The following AXL variants were observed in gnomAD, a reference collection of about 807,000 sequenced individuals.
AXL encodes the protein tyrosine-protein kinase receptor UFO.
A neutral mutation model predicts 104.5 loss-of-function variants in AXL; 52 were observed. The observed-to-expected ratio is 0.50, with a 90% CI of 0.40 to 0.63. AXL has a LOEUF of 0.63. AXL is among the 20% of genes least tolerant of loss of function. AXL has a pLI of 0.00. For synonymous variants in AXL, 455 were observed against 473.7 expected (o/e 0.96, Z 0.51); for missense variants, 1,024 against 1,188.5 (o/e 0.86, Z 2.04).
At position 41,259,502 on chromosome 19, in the gene AXL, A is replaced by C. The variant is rs4591267; in HGVS notation, c.2334-51A>C. The C allele has an allele frequency of 0.15, 215,313 of 1,475,912 alleles. 16,553 individuals carry two copies. Among genetic ancestry groups the C allele is most frequent in the East Asian group, 0.23 (10,232 of 43,770 alleles). The allele number at this position is 1,475,912 out of a possible 1,614,324, so 91.4% of individuals were successfully genotyped here. On this transcript the variant is annotated intron_variant, in intron 19 of 19. Coordinates refer to ENST00000301178, the MANE Select transcript of AXL (RefSeq NM_021913.5). ...AAATGTCCCCAGGCTTCCAGAATGC[A>C]CCCCTTCTGAGTCCCTGCTCAATCT...
chr19:41,222,140 G>T, intron 4 of AXL, 84 bp downstream of exon 4: 2 of 1,352,390 alleles, frequency 1.5e-6, no homozygotes, highest in Admixed American at 3.0e-5. Flanking sequence ...CTACCTCTGC[G>T]TGAGTGTCTG....
chr19:41,235,397 G>A (rs68003465), intron 6 of AXL, among the ~76,000 whole-genome samples: 18 of 72,698 alleles, frequency 2.5e-4, no homozygotes, highest in East Asian at 8.6e-4. Context: ...TAGATAGATA[G>A]ATAGATAGAT....
rs544588664 is a variant in AXL at position 41,247,268 on chromosome 19, C to T, written c.1538-1246C>T. On this transcript the variant is annotated intron_variant, in intron 12 of 19. Coordinates refer to ENST00000301178, the MANE Select transcript of AXL (RefSeq NM_021913.5). ...GTGGCTCACGCTTGTAATCCCAACA[C>T]TTTGGGAGGCCAAGGTGGGCAGATC... Among the ~76,000 whole-genome samples, 151 of 152,314 alleles carry T rather than the reference C, an allele frequency of 9.9e-4. 1 individual carries two copies. Among genetic ancestry groups the T allele is most frequent in the East Asian group, 1.5e-3 (8 of 5,172 alleles).
At chr19:41,242,320 T>C (rs2034197280) in intron 10 of AXL, among the ~76,000 whole-genome samples, 1 of 85,142 alleles carries the variant, frequency 1.2e-5, no homozygotes, top group Non-Finnish European at 2.4e-5. Flanking sequence ...ACTCTCTTTT[T>C]TTTTTTTTTT....
At chr19:41,235,929 G>T (rs2034071092) in intron 6 of AXL, among the ~76,000 whole-genome samples, 1 of 152,138 alleles carries the variant, frequency 6.6e-6, no homozygotes, top group African/African-American at 2.4e-5. Flanking sequence ...AGGTGAGGTG[G>T]CTCACGCCTG....
intron 19 of AXL, 125 bp from the exon 20 acceptor site, chr19:41,259,428 G>A (rs1406579291): frequency 2.3e-5 from 18 of 786,838 alleles, no homozygotes; most frequent in Non-Finnish European, 3.6e-5. Context: ...TCAAACTGCT[G>A]AGGCTCCCTA....
chr19:41,261,644 A>G lies in AXL; in HGVS notation c.*1740A>G, dbSNP rs1170302713. Reference sequence around the variant, plus strand: ...ATGCCTCCTTTCCCGCAGGGGATGGACGATCTCCCACCTTTCGGGCCATGT... The same window carrying G: ...ATGCCTCCTTTCCCGCAGGGGATGGGCGATCTCCCACCTTTCGGGCCATGT... On this transcript the variant is annotated 3_prime_UTR_variant, in exon 20 of 20. Transcript: ENST00000301178. The G allele has an allele frequency of 6.6e-6, 1 of 152,422 alleles. No homozygotes were observed. Among genetic ancestry groups the G allele is most frequent in the Non-Finnish European group, 1.5e-5 (1 of 68,028 alleles). The allele number at this position is 152,422 out of a possible 1,614,324, so 9.4% of individuals were successfully genotyped here. A position where few individuals can be genotyped will look rare whatever the true frequency, so the allele number is the denominator to read the frequency against.
intron 6 of AXL, among the ~76,000 whole-genome samples, chr19:41,237,523 G>T (rs1028316273): frequency 1.3e-5 from 2 of 152,138 alleles, no homozygotes; most frequent in African/African-American, 4.8e-5. Context: ...GATTACAGGC[G>T]GGAGCCACCG....
intron 5 of AXL, 24 bp downstream of exon 5, chr19:41,231,071 G>T: frequency 6.2e-7 from 1 of 1,613,662 alleles, no homozygotes; most frequent in Non-Finnish European, 8.5e-7. Flanking sequence ...GAGGTGGGGA[G>T]CTGGGCGTCA....
intron 18 of AXL, 67 bp downstream of exon 18, chr19:41,256,678 C>T (rs1341758869): frequency 1.3e-6 from 2 of 1,581,752 alleles, no homozygotes; most frequent in African/African-American, 2.7e-5. Flanking sequence ...CACACTATGC[C>T]TGGGTGGCTG....
chr19:41,255,737 G>GTT (rs112048926), intron 17 of AXL, among the ~76,000 whole-genome samples: 1 of 144,788 alleles, frequency 6.9e-6, no homozygotes. Flanking sequence ...CACTGTGCCT[G>GTT]TTTTTTTTTT....
intron 14 of AXL, among the ~76,000 whole-genome samples, chr19:41,251,705 C>A (rs889820157): frequency 1.3e-5 from 2 of 151,568 alleles, no homozygotes; most frequent in Admixed American, 1.3e-4. Flanking sequence ...CAGCGCAAGA[C>A]CCTGTCTCAA....
At chr19:41,250,732 C>T (rs1278753540) in intron 14 of AXL, among the ~76,000 whole-genome samples, 1 of 152,130 alleles carries the variant, frequency 6.6e-6, no homozygotes, top group East Asian at 1.9e-4. Flanking sequence ...TGAGCCACCA[C>T]ACCCAGCCTA....
At chr19:41,256,392 C>A (rs2034452446) in intron 17 of AXL, 60 bp from the exon 18 acceptor site, 1 of 1,579,968 alleles carries the variant, frequency 6.3e-7, no homozygotes. Flanking sequence ...AGAGCCAGGG[C>A]AGGCTTCCTG....
At chr19:41,230,568 CTGTGCCTGTG>C (rs1804682319) in intron 4 of AXL, among the ~76,000 whole-genome samples, 1 of 143,778 alleles carries the variant, frequency 7.0e-6, no homozygotes, top group South Asian at 2.2e-4. Flanking sequence ...GTGTGTGTGC[CTGTGCCTGTG>C]TGTGGCTGTG....
intron 13 of AXL, 35 bp from the exon 14 acceptor site, chr19:41,248,708 C>T (rs1163190001): frequency 3.1e-6 from 5 of 1,613,608 alleles, no homozygotes; most frequent in Admixed American, 3.3e-5. Flanking sequence ...CCCACGGGCC[C>T]TCTGAGGTCA....
At chr19:41,246,833 C>G (rs116039364) in intron 12 of AXL, among the ~76,000 whole-genome samples, 68,527 of 152,004 alleles carry the variant, frequency 0.45, 16,402 homozygotes, top group African/African-American at 0.61. Flanking sequence ...GGGTGAACCA[C>G]TGTGAACCAC....
At chr19:41,229,819 T>G (rs771522571) in intron 4 of AXL, among the ~76,000 whole-genome samples, 2 of 152,064 alleles carry the variant, frequency 1.3e-5, no homozygotes, top group Non-Finnish European at 2.9e-5. Flanking sequence ...AGCTTAGAGA[T>G]GAACAGACAT....
chr19:41,239,651 G>A (rs2034146921), intron 9 of AXL, 43 bp from the exon 10 acceptor site: 8 of 1,613,548 alleles, frequency 5.0e-6, no homozygotes, highest in Non-Finnish European at 6.8e-6. Flanking sequence ...CGCCAGTCTT[G>A]TCCTCTCTGA....
Sources: allele counts gnomAD v4.1 joint callset (sites outside exome capture counted in the v4.1 genomes callset), GRCh38; gene constraint gnomAD v4.1.1; transcripts MANE v1.5; gene names NCBI Gene and HGNC (gene_info 2026-07-23, HGNC 2026-07-21).